GABRB3: variants seen among roughly 807,000 people sequenced by gnomAD.
GABRB3 encodes the protein gamma-aminobutyric acid type A receptor subunit beta3, also known as gamma-aminobutyric acid receptor subunit beta-3.
A neutral mutation model predicts 52.1 loss-of-function variants in GABRB3; 14 were observed. The observed-to-expected ratio is 0.27, with a 90% confidence interval of 0.18 to 0.42. The LOEUF is 0.42. Among genes scored for constraint, GABRB3 ranks in the 10% least tolerant of loss-of-function variants. The pLI is 1.00. For synonymous variants in GABRB3, 260 were observed against 232.3 expected, an observed-to-expected ratio of 1.12 and a Z score of -1.08; for missense variants, 307 against 609.1, an observed-to-expected ratio of 0.50 and a Z score of 5.22.
intron 4 of GABRB3, among the ~76,000 whole-genome samples, chr15:26,606,808 A>ATCTATCGATAGATATATC (rs750566618): frequency 2.4e-5 from 2 of 84,774 alleles, no homozygotes; most frequent in Admixed American, 1.3e-4. Context: ...ATATATCTAT[A>ATCTATCGATAGATATATC]GATAGATAGA....
At chr15:26,675,021 A>G (rs1347593582) in intron 3 of GABRB3, among the ~76,000 whole-genome samples, 1 of 152,172 alleles carries the variant, frequency 6.6e-6, no homozygotes, top group Non-Finnish European at 1.5e-5. Flanking sequence ...AGAAGGTAGG[A>G]TCAAACTGAT....
intron 3 of GABRB3, among the ~76,000 whole-genome samples, chr15:26,692,052 TA>T (rs1213155269): frequency 1.3e-5 from 2 of 152,216 alleles, no homozygotes; most frequent in Non-Finnish European, 2.9e-5. Flanking sequence ...TAAATTAGAC[TA>T]AAGAGAACAT....
intron 3 of GABRB3, among the ~76,000 whole-genome samples, chr15:26,644,372 G>A (rs547655706): frequency 6.6e-6 from 1 of 152,324 alleles, no homozygotes; most frequent in East Asian, 1.9e-4. Flanking sequence ...GTGAGCCCTT[G>A]TCCCACATGA....
chr15:26,716,577 C>G (rs764639199), intron 3 of GABRB3: 2 of 992,606 alleles, frequency 2.0e-6, no homozygotes, highest in Non-Finnish European at 2.4e-6. Context: ...CTTCTCACAG[C>G]CTGCCTCACA....
At chr15:26,630,200 G>A (rs1466934351) in intron 3 of GABRB3, among the ~76,000 whole-genome samples, 2 of 152,186 alleles carry the variant, frequency 1.3e-5, no homozygotes, top group African/African-American at 4.8e-5. Flanking sequence ...CAGGGCACCT[G>A]CAGAGACCTT....
At position 26,727,839 on chromosome 15, in the gene GABRB3, T is replaced by G. The variant is rs73372121; in HGVS notation, c.240+44563A>C. ...TTCATACAAGCCTTACTTGTTTCCT[T>G]GTTTATCACTCTTTTCTTAGACAAT... On this transcript the variant is annotated intron_variant, in intron 3 of 8. Transcript: ENST00000311550. 9.5e-3 allele frequency among the ~76,000 whole-genome samples: 1,441 copies of G among 152,354 alleles called. 19 individuals are homozygous for G. Among genetic ancestry groups the G allele is most frequent in the African/African-American group, 0.033 (1,389 of 41,572 alleles).
chr15:26,744,028 T>C (rs1025662480), intron 3 of GABRB3, among the ~76,000 whole-genome samples: 4 of 152,190 alleles, frequency 2.6e-5, no homozygotes, highest in African/African-American at 9.6e-5. Flanking sequence ...CAAAGTCTTA[T>C]GTACTTAATT....
intron 3 of GABRB3, among the ~76,000 whole-genome samples, chr15:26,753,662 C>T (rs900510970): frequency 2.6e-5 from 4 of 152,178 alleles, no homozygotes; most frequent in African/African-American, 9.7e-5. Flanking sequence ...CTTTTAAATA[C>T]AGATACTTTC....
At chr15:26,726,814 A>G (rs1015897831) in intron 3 of GABRB3, among the ~76,000 whole-genome samples, 2 of 152,140 alleles carry the variant, frequency 1.3e-5, no homozygotes, top group African/African-American at 4.8e-5. Flanking sequence ...TTCGCAATTA[A>G]GAGGCATTAT....
intron 3 of GABRB3, among the ~76,000 whole-genome samples, chr15:26,708,139 A>G (rs983623192): frequency 2.0e-5 from 3 of 152,208 alleles, no homozygotes; most frequent in African/African-American, 7.2e-5. Flanking sequence ...AATTCTGGAA[A>G]TACTAGTTTT....
chr15:26,732,334 A>C (rs1416143822), intron 3 of GABRB3, among the ~76,000 whole-genome samples: 4 of 138,202 alleles, frequency 2.9e-5, no homozygotes, highest in Non-Finnish European at 6.3e-5. Flanking sequence ...GGATGGATGG[A>C]TGGACGGACA....
At chr15:26,604,157 C>T (rs1247417545) in intron 4 of GABRB3, among the ~76,000 whole-genome samples, 1 of 151,856 alleles carries the variant, frequency 6.6e-6, no homozygotes, top group African/African-American at 2.4e-5. Context: ...TTAAAAAATC[C>T]CATTAACAAT....
Position 26,583,396 on chromosome 15 carries a change from T to C in GABRB3, c.480A>G (p.Ala160=), listed in dbSNP as rs747989360. ...GGTATCTCCTGAGGTCCATCATGCA[T>C]GCTGCTGTCGTGGTGATTCTGAAAT... ...LYGLRITTTA[A]CMMDLRRYPL... Residue 160 remains alanine, a synonymous_variant, in exon 5 of 9, where the codon GCA becomes GCG. Transcript: ENST00000311550. 1 of 1,613,976 alleles carries C rather than the reference T, an allele frequency of 6.2e-7. No homozygotes were observed. Among genetic ancestry groups the C allele is most frequent in the East Asian group, 2.2e-5 (1 of 44,866 alleles).
intron 3 of GABRB3, chr15:26,666,684 T>C (rs1413094800): frequency 1.3e-5 from 2 of 152,290 alleles, no homozygotes; most frequent in Non-Finnish European, 2.9e-5. Flanking sequence ...CTATGTCACC[T>C]GCAGGACTCA....
intron 6 of GABRB3, among the ~76,000 whole-genome samples, chr15:26,569,796 TTA>T (rs1367539767): frequency 5.3e-5 from 8 of 152,224 alleles, no homozygotes; most frequent in Non-Finnish European, 1.2e-4. Context: ...ACATTATACA[TTA>T]TCTCTTATAA....
intron 3 of GABRB3, among the ~76,000 whole-genome samples, chr15:26,725,824 A>G (rs1889756950): frequency 6.6e-6 from 1 of 152,234 alleles, no homozygotes; most frequent in Admixed American, 6.5e-5. Context: ...AATATTTAAT[A>G]ATTTTGTGCA....
At chr15:26,560,879 A>C (rs538764410) in intron 8 of GABRB3, 53 bp downstream of exon 8, 3 of 1,611,380 alleles carry the variant, frequency 1.9e-6, no homozygotes, top group Non-Finnish European at 2.5e-6. Context: ...AAGTAAATGC[A>C]GTAGCTGCTG....
intron 8 of GABRB3, among the ~76,000 whole-genome samples, chr15:26,554,416 A>G (rs968792795): frequency 6.6e-6 from 1 of 151,574 alleles, no homozygotes; most frequent in Non-Finnish European, 1.5e-5. Flanking sequence ...GAATTAACAA[A>G]TTCGTGGAGT....
At chr15:26,704,952 C>T (rs1008291209) in intron 3 of GABRB3, among the ~76,000 whole-genome samples, 4 of 152,128 alleles carry the variant, frequency 2.6e-5, no homozygotes, top group African/African-American at 9.7e-5. Context: ...GGCTTTTTTC[C>T]AGCGTTCACT....
Sources: gnomAD v4.1 joint callset for allele counts (sites outside exome capture counted in the v4.1 genomes callset) on GRCh38, gnomAD v4.1.1 for gene constraint, MANE v1.5 for transcripts, NCBI Gene and HGNC (gene_info 2026-07-23, HGNC 2026-07-21) for gene names.